Variants in CEP295NL observed in about 807,000 individuals in gnomAD.
CEP295NL encodes the protein protein DDC8 homolog.
Under a neutral mutation model 4.6 loss-of-function variants are expected in CEP295NL, and 3 were observed. The observed-to-expected ratio is 0.65, with a 90% CI of 0.30 to 1.69. The LOEUF (loss-of-function observed/expected upper bound fraction) is 1.69, where lower values mean the gene tolerates loss of function less well. CEP295NL is among the 40% of genes most tolerant of loss of function. The pLI is 0.10. For synonymous variants in CEP295NL, 295 were observed against 312.2 expected (o/e 0.94, Z 0.58); for missense variants, 719 against 769.0 (o/e 0.93, Z 0.77).
Position 78,901,846 on chromosome 17 carries a change from T to C in CEP295NL, c.-18A>G. 1.4e-6 allele frequency: 1 copy of C among 706,968 alleles called. No homozygotes were observed. The highest frequency in any genetic ancestry group is 2.6e-6 in the Non-Finnish European group (1 of 378,742). The allele number at this position is 706,968 out of a possible 1,614,324, so 43.8% of individuals were successfully genotyped here. On this transcript the variant is annotated 5_prime_UTR_variant, in exon 2 of 3. Transcript: ENST00000322630. Reference sequence around the variant, plus strand: ...GAACACATTACAGGGAGGCAGAAGCTGACAGGAGGGCAGGAAGCACTGTCT... The same window carrying C: ...GAACACATTACAGGGAGGCAGAAGCCGACAGGAGGGCAGGAAGCACTGTCT...
chr17:78,891,260 T>C lies in CEP295NL; in HGVS notation c.1244A>G (p.Gln415Arg), dbSNP rs930819405. ...CAAGTCGGTCTTGGACGCTGCCTGC[T>C]GCGCCTCCTCCTCTGCTGGGCTCCT... The part of the protein sequence containing the change: ...EPRSPAEEEA[Q>R]QAASKTDLKT... Residue 415 changes from glutamine (Q) to arginine (R), a missense_variant, in exon 3 of 3, where the codon CAG becomes CGG. Transcript: ENST00000322630. This position sits in a 1 kb window ranked among gnomAD's most constrained non-coding sequence, Gnocchi z 4.5. 113 of 1,550,556 alleles carry C rather than the reference T, an allele frequency of 7.3e-5. No individual in the cohort carries two copies. The highest frequency in any genetic ancestry group is 9.8e-5 in the Non-Finnish European group (112 of 1,147,032).
Position 78,891,754 on chromosome 17 carries a change from T to C in CEP295NL, c.750A>G (p.Leu250=). The part of the protein sequence containing the change: ...IHPRRSKGAD[L]ERSNPLVAAV... Reference sequence around the variant, plus strand: ...CAGCCACGAGTGGGTTTGACCTTTCTAGGTCCGCCCCTTTGCTCCTCCGAG... The same window carrying C: ...CAGCCACGAGTGGGTTTGACCTTTCCAGGTCCGCCCCTTTGCTCCTCCGAG... The change falls in exon 3 of 3, where the codon CTA becomes CTG. Residue 250 remains leucine (L), a synonymous_variant. Transcript: ENST00000322630. This position sits in a 1 kb window ranked among gnomAD's most constrained non-coding sequence, Gnocchi z 4.5. 6.4e-7 allele frequency: 1 copy of C among 1,551,242 alleles called. No homozygotes were observed. The highest frequency in any genetic ancestry group is 1.2e-5 in the South Asian group (1 of 84,068).
At chr17:78,902,746 C>G (rs947148432) in intron 1 of CEP295NL, 9 of 152,244 alleles carry the variant, frequency 5.9e-5, no homozygotes, top group Admixed American at 5.9e-4. Context: ...ACTAAACATA[C>G]CTCGACAGCG....
rs769783337 is a variant in CEP295NL at position 78,891,619 on chromosome 17, G to A, written c.885C>T (p.Arg295=). 6.4e-7 allele frequency: 1 copy of A among 1,550,812 alleles called. No homozygotes were observed. The highest frequency in any genetic ancestry group is 2.0e-5 in the Admixed American group (1 of 50,986). ...TCCCCTCCAGACTCTGTCCCTGAGA[G>A]CGACTGGTCAGGGCTGGAACAAAGC... ...AVCFVPALTS[R]SQGQSLEGKL... The change falls in exon 3 of 3, where the codon CGC becomes CGT. Residue 295 remains arginine (R), a synonymous_variant. Coordinates refer to ENST00000322630, the MANE Select transcript of CEP295NL (RefSeq NM_001243540.2). This position sits in a 1 kb window ranked among gnomAD's most constrained non-coding sequence, Gnocchi z 4.5.
chr17:78,890,610 G>T lies in CEP295NL; in HGVS notation c.*28C>A. On this transcript the variant is annotated 3_prime_UTR_variant, in exon 3 of 3. Transcript: ENST00000322630. ...TGCTGGCAGCACCATTATCAGTGAT[G>T]TATTTACCCCGGGTGGGCCTCTCGC... 1 of 1,540,606 alleles carries T rather than the reference G, an allele frequency of 6.5e-7. No homozygotes were observed.
At chr17:78,897,170 G>A (rs183596236) in intron 2 of CEP295NL, 34 of 188,496 alleles carry the variant, frequency 1.8e-4, no homozygotes, top group African/African-American at 4.7e-4. Flanking sequence ...CTGTGGCATC[G>A]GGGGGCGGGG....
intron 1 of CEP295NL, chr17:78,902,551 T>C (rs4789860): frequency 0.41 from 62,912 of 152,236 alleles, 13,163 homozygotes; most frequent in Middle Eastern, 0.46. Flanking sequence ...ATCCATATCC[T>C]GGGCTGGGTC....
chr17:78,891,557 G>T lies in CEP295NL; in HGVS notation c.947C>A (p.Ser316Tyr). 1.3e-6 allele frequency: 2 copies of T among 1,550,890 alleles called. No homozygotes were observed. Among genetic ancestry groups the T allele is most frequent in the Non-Finnish European group, 1.7e-6 (2 of 1,147,070 alleles). ...RDLGQLWPAD[S>Y]SCRREAVSPA... ...GGACACGGCTTCCCTTCTGCAGCTG[G>T]AATCAGCTGGCCACAGCTGCCCGAG... is the stretch of plus-strand genomic sequence containing the variant. The change falls in exon 3 of 3, where the codon TCC becomes TAC. Residue 316 changes from serine (S) to tyrosine (Y), a missense_variant. Coordinates refer to ENST00000322630, the MANE Select transcript of CEP295NL (RefSeq NM_001243540.2). This position sits in a 1 kb window ranked among gnomAD's most constrained non-coding sequence, Gnocchi z 4.5.
Position 78,891,621 on chromosome 17 carries a change from G to C in CEP295NL, c.883C>G (p.Arg295Gly), listed in dbSNP as rs762493757. 19 of 1,550,898 alleles carry C rather than the reference G, an allele frequency of 1.2e-5. No homozygotes were observed. The highest frequency in any genetic ancestry group is 1.6e-5 in the Non-Finnish European group (18 of 1,147,068). ...AVCFVPALTS[R>G]SQGQSLEGKL... is the part of the protein sequence containing the mutation. ...CCCTCCAGACTCTGTCCCTGAGAGC[G>C]ACTGGTCAGGGCTGGAACAAAGCAA... Residue 295 changes from arginine (R) to glycine (G), a missense_variant, in exon 3 of 3, where the codon CGC becomes GGC. Physicochemically the swap from Arg to Gly is moderately radical, Grantham distance 125. Transcript: ENST00000322630. The surrounding 1 kb of genome is among the most constrained non-coding windows in gnomAD (Gnocchi z 4.5).
chr17:78,890,619 C>A lies in CEP295NL; in HGVS notation c.*19G>T. 6.5e-7 allele frequency: 1 copy of A among 1,545,200 alleles called. No individual in the cohort carries two copies. The highest frequency in any genetic ancestry group is 1.2e-5 in the South Asian group (1 of 83,678). ...CACCATTATCAGTGATGTATTTACC[C>A]CGGGTGGGCCTCTCGCATTTAGCAT... is the stretch of plus-strand genomic sequence containing the variant. On this transcript the variant is annotated 3_prime_UTR_variant, in exon 3 of 3. Coordinates refer to ENST00000322630, the MANE Select transcript of CEP295NL (RefSeq NM_001243540.2).
chr17:78,893,158 G>C (rs954664755), intron 2 of CEP295NL, among the ~76,000 whole-genome samples: 12 of 142,348 alleles, frequency 8.4e-5, no homozygotes, highest in Non-Finnish European at 1.7e-4. Flanking sequence ...TGTGTGTGCA[G>C]GGGTGTGTGT....
chr17:78,901,849 C>T lies in CEP295NL; in HGVS notation c.-21G>A. 4.3e-6 allele frequency: 3 copies of T among 705,362 alleles called. No individual in the cohort carries two copies. The highest frequency in any genetic ancestry group is 7.9e-6 in the Non-Finnish European group (3 of 377,806). The allele number at this position is 705,362 out of a possible 1,614,324, so 43.7% of individuals were successfully genotyped here. A position where few individuals can be genotyped will look rare whatever the true frequency, so the allele number is the denominator to read the frequency against. The stretch of plus-strand genomic sequence containing the variant: ...CACATTACAGGGAGGCAGAAGCTGA[C>T]AGGAGGGCAGGAAGCACTGTCTCCA... On this transcript the variant is annotated 5_prime_UTR_variant, in exon 2 of 3. Transcript: ENST00000322630.
Position 78,891,195 on chromosome 17 carries a change from CCT to C in CEP295NL, c.1307_1308del (p.Gln436ArgfsTer8). On this transcript the variant is annotated frameshift_variant, in exon 3 of 3. Transcript: ENST00000322630. LOFTEE classifies it low-confidence loss of function (END_TRUNC). The surrounding 1 kb of genome is among the most constrained non-coding windows in gnomAD (Gnocchi z 4.5). ...TTTCTAAACGTGGGCTTGACCGTGC[CCT>C]GATATTTTTGGTTCTGGGCCTTGCC... ...FMGKAQNQKY[Q>X]GTVKPTFRNG... The C allele has an allele frequency of 6.4e-7, 1 of 1,550,660 alleles. No individual in the cohort carries two copies. The highest frequency in any genetic ancestry group is 2.4e-5 in the East Asian group (1 of 40,916).
At position 78,896,876 on chromosome 17, in the gene CEP295NL, C is replaced by T. The variant is rs138913769; in HGVS notation, c.45-4417G>A. On this transcript the variant is annotated intron_variant, in intron 2 of 2. Transcript: ENST00000322630. This position sits in a 1 kb window ranked among gnomAD's most constrained non-coding sequence, Gnocchi z 4.4. ...AGCCCATGGCAGCTCCACCCCAGACCGATCCGATCCCAGCACCTGGGCCCA... is the reference window on the plus strand; with the variant it reads ...AGCCCATGGCAGCTCCACCCCAGACTGATCCGATCCCAGCACCTGGGCCCA... The T allele has an allele frequency of 9.9e-3, 9,676 of 975,988 alleles. 58 individuals are homozygous for T. The highest frequency in any genetic ancestry group is 0.011 in the Non-Finnish European group (9,064 of 821,420). The allele number at this position is 975,988 out of a possible 1,614,324, so 60.5% of individuals were successfully genotyped here. A position where few individuals can be genotyped will look rare whatever the true frequency, so the allele number is the denominator to read the frequency against.
chr17:78,896,911 T>C lies in CEP295NL; in HGVS notation c.45-4452A>G. On this transcript the variant is annotated intron_variant, in intron 2 of 2. Coordinates refer to ENST00000322630, the MANE Select transcript of CEP295NL (RefSeq NM_001243540.2). The surrounding 1 kb of genome is among the most constrained non-coding windows in gnomAD (Gnocchi z 4.4). The stretch of plus-strand genomic sequence containing the variant: ...CCAGCACCTGGGCCCAGGAATGTGC[T>C]TGGCCACCAGATTCCCAGCGATTCT... 1 of 985,320 alleles carries C rather than the reference T, an allele frequency of 1.0e-6. No individual in the cohort carries two copies. The highest frequency in any genetic ancestry group is 4.7e-5 in the South Asian group (1 of 21,290). The allele number at this position is 985,320 out of a possible 1,614,324, so 61.0% of individuals were successfully genotyped here. A position where few individuals can be genotyped will look rare whatever the true frequency, so the allele number is the denominator to read the frequency against.
rs1233022608 is a variant in CEP295NL at position 78,891,235 on chromosome 17, C to G, written c.1269G>C (p.Leu423Phe). Reference protein sequence around the residue: ...EAQQAASKTDLKTFMGKAQNQ... With the variant: ...EAQQAASKTDFKTFMGKAQNQ... The stretch of plus-strand genomic sequence containing the variant: ...TCTGGGCCTTGCCCATGAACGTTTT[C>G]AAGTCGGTCTTGGACGCTGCCTGCT... The change falls in exon 3 of 3, where the codon TTG (leucine) becomes TTC (phenylalanine). Residue 423 changes from leucine (L) to phenylalanine (F), a missense_variant. Leu to Phe is a conservative substitution (Grantham distance 22, BLOSUM62 0). Coordinates refer to ENST00000322630, the MANE Select transcript of CEP295NL (RefSeq NM_001243540.2). The surrounding 1 kb of genome is among the most constrained non-coding windows in gnomAD (Gnocchi z 4.5). 9 of 1,550,546 alleles carry G rather than the reference C, an allele frequency of 5.8e-6. No homozygotes were observed. Among genetic ancestry groups the G allele is most frequent in the Non-Finnish European group, 7.0e-6 (8 of 1,147,028 alleles).
At chr17:78,902,821 T>C (rs2070115988) in intron 1 of CEP295NL, 1 of 152,222 alleles carries the variant, frequency 6.6e-6, no homozygotes, top group African/African-American at 2.4e-5. Flanking sequence ...GGGTCCCCAA[T>C]CCCAGCAGGT....
intron 1 of CEP295NL, chr17:78,902,761 T>A (rs1164679760): frequency 6.6e-6 from 1 of 152,256 alleles, no homozygotes; most frequent in African/African-American, 2.4e-5. Context: ...ACAGCGTCCA[T>A]TACCGCTTCC....
At chr17:78,900,588 C>T (rs931170261) in intron 2 of CEP295NL, among the ~76,000 whole-genome samples, 2 of 152,044 alleles carry the variant, frequency 1.3e-5, no homozygotes, top group East Asian at 1.9e-4. Context: ...AAGTAGAGTC[C>T]GAGGTGGTGG....
Sources: allele counts gnomAD v4.1 joint callset (sites outside exome capture counted in the v4.1 genomes callset), GRCh38; gene constraint gnomAD v4.1.1; non-coding constraint Gnocchi (gnomAD v3.1); transcripts MANE v1.5; gene names NCBI Gene and HGNC (gene_info 2026-07-23, HGNC 2026-07-21).